Variants in PCNX1 observed in about 807,000 individuals in gnomAD.
The protein encoded by PCNX1 is pecanex 1, also known as pecanex-like protein 1.
PCNX1 carries 78 observed loss-of-function variants against 242.2 expected under a neutral mutation model. That is an observed-to-expected ratio of 0.32 (90% CI 0.27 to 0.39). PCNX1 has a LOEUF of 0.39. PCNX1 is among the 10% of genes least tolerant of loss of function. The pLI, the probability that PCNX1 is intolerant of heterozygous loss-of-function variation, is 1.00. For synonymous variants in PCNX1, 1,024 were observed against 1,032.9 expected, an observed-to-expected ratio of 0.99 and a Z score of 0.17; for missense variants, 2,581 against 2,856.5, an observed-to-expected ratio of 0.90 and a Z score of 2.20.
intron 3 of PCNX1, among the ~76,000 whole-genome samples, chr14:70,965,199 C>T (rs79307966): frequency 6.6e-6 from 1 of 152,268 alleles, no homozygotes; most frequent in African/African-American, 2.4e-5. Flanking sequence ...TCATTCCTCT[C>T]CTTACCTCCT....
At chr14:71,006,143 GTGT>G (rs2059658714) in intron 8 of PCNX1, among the ~76,000 whole-genome samples, 1 of 134,590 alleles carries the variant, frequency 7.4e-6, no homozygotes, top group Non-Finnish European at 1.6e-5. Flanking sequence ...GTGTGTGTGT[GTGT>G]GTGTGTGTGT....
intron 2 of PCNX1, among the ~76,000 whole-genome samples, chr14:70,959,427 T>G (rs1251983145): frequency 7.4e-6 from 1 of 135,958 alleles, no homozygotes; most frequent in African/African-American, 2.8e-5. Flanking sequence ...CTCTTTCCTG[T>G]GTCCATGTGT....
chr14:70,913,482 G>A (rs1017190629), intron 1 of PCNX1, among the ~76,000 whole-genome samples: 8 of 152,092 alleles, frequency 5.3e-5, no homozygotes, highest in African/African-American at 1.9e-4. Flanking sequence ...ACAGCTGTGT[G>A]GTTATACATA....
intron 2 of PCNX1, among the ~76,000 whole-genome samples, chr14:70,952,743 G>T (rs2057837158): frequency 6.6e-6 from 1 of 151,988 alleles, no homozygotes; most frequent in Non-Finnish European, 1.5e-5. Context: ...TATTTCTAGT[G>T]TTTTTTGTCT....
Position 71,110,101 on chromosome 14 carries a change from G to C in PCNX1, c.*166G>C. ...GCACCTCTCCTTTGCCCTTCACCCT[G>C]ACTCCTGTCACTGTCTCCATCCCCA... On this transcript the variant is annotated 3_prime_UTR_variant, in exon 36 of 36. Coordinates refer to ENST00000304743, the MANE Select transcript of PCNX1 (RefSeq NM_014982.3). The C allele has an allele frequency of 1.4e-6, 1 of 707,462 alleles. No individual in the cohort carries two copies. 43.8% of individuals were successfully genotyped at this position (707,462 alleles called of 1,614,324 possible). A position where few individuals can be genotyped will look rare whatever the true frequency, so the allele number is the denominator to read the frequency against.
chr14:71,009,851 T>C (rs1453105826), intron 9 of PCNX1, 127 bp downstream of exon 9: 5 of 465,340 alleles, frequency 1.1e-5, no homozygotes, highest in Non-Finnish European at 1.5e-5. Context: ...AATTGACAAA[T>C]AAAAATCATA....
intron 8 of PCNX1, among the ~76,000 whole-genome samples, chr14:71,002,127 A>G (rs761783152): frequency 2.0e-5 from 3 of 152,250 alleles, no homozygotes; most frequent in East Asian, 1.9e-4. Context: ...TCAGAGGAAC[A>G]CAGAAAATAC....
intron 27 of PCNX1, among the ~76,000 whole-genome samples, chr14:71,075,246 C>T (rs148039090): frequency 6.6e-6 from 1 of 152,106 alleles, no homozygotes; most frequent in Non-Finnish European, 1.5e-5. Context: ...CCACACTGGC[C>T]TCCCAAAGTG....
intron 6 of PCNX1, among the ~76,000 whole-genome samples, chr14:70,985,494 G>T (rs1052832250): frequency 6.6e-6 from 1 of 152,178 alleles, no homozygotes; most frequent in African/African-American, 2.4e-5. Context: ...GATTACAGGC[G>T]TGAGCCACTG....
At chr14:70,909,883 GGAT>G (rs893760613) in intron 1 of PCNX1, among the ~76,000 whole-genome samples, 3 of 152,156 alleles carry the variant, frequency 2.0e-5, no homozygotes, top group African/African-American at 7.2e-5. Context: ...TACCTGAAAT[GGAT>G]AATAAGATGG....
chr14:71,020,877 G>T (rs960341278), intron 12 of PCNX1, among the ~76,000 whole-genome samples: 21 of 152,018 alleles, frequency 1.4e-4, no homozygotes, highest in African/African-American at 5.1e-4. Context: ...TTTCTTCTAG[G>T]GTTTTTATGG....
intron 19 of PCNX1, among the ~76,000 whole-genome samples, chr14:71,044,076 T>C (rs752516439): frequency 5.3e-5 from 8 of 152,188 alleles, no homozygotes; most frequent in Non-Finnish European, 1.2e-4. Flanking sequence ...CTCCGTATGA[T>C]TTCTTTGACT....
At chr14:71,089,121 G>A (rs372636448) in intron 29 of PCNX1, 71 bp from the exon 30 acceptor site, 50 of 1,129,886 alleles carry the variant, frequency 4.4e-5, no homozygotes, top group East Asian at 2.4e-4. Context: ...TGATGCACAC[G>A]CAGATGTAAG....
At position 71,004,892 on chromosome 14, in the gene PCNX1, A is replaced by G. The variant is rs372670699; in HGVS notation, c.2630-4742A>G. Among the ~76,000 whole-genome samples the G allele has an allele frequency of 3.6e-3, 548 of 152,260 alleles. 1 individual carries two copies. Among genetic ancestry groups the G allele is most frequent in the African/African-American group, 0.013 (531 of 41,540 alleles). On this transcript the variant is annotated intron_variant, in intron 8 of 35. Transcript: ENST00000304743. ...CATATAGAATGTATATGTTCCCCCA[A>G]ATGTCTTTTAAAAACTCACTTTATA...
rs762289630 is a variant in PCNX1 at position 70,988,667 on chromosome 14, C to G, written c.2412C>G (p.Thr804=). ...GGCACAATGCAGGGAGTAACCCTACCCCTCCTACATTGCTCATCGGATCAC... is the reference window on the plus strand; with the variant it reads ...GGCACAATGCAGGGAGTAACCCTACGCCTCCTACATTGCTCATCGGATCAC... ...RRRHNAGSNP[T]PPTLLIGSPL... The change falls in exon 7 of 36, where the codon ACC becomes ACG. Residue 804 remains threonine, a synonymous_variant. Coordinates refer to ENST00000304743, the MANE Select transcript of PCNX1 (RefSeq NM_014982.3). 1 of 1,613,944 alleles carries G rather than the reference C, an allele frequency of 6.2e-7. No homozygotes were observed. Among genetic ancestry groups the G allele is most frequent in the East Asian group, 2.2e-5 (1 of 44,878 alleles).
chr14:71,110,894 T>A lies in PCNX1; in HGVS notation c.*959T>A, dbSNP rs45517434. ...AAAACAATTTTCTTTAAGAAGAAGA[T>A]GAATGTCCAGGAATTTAAAGAAAGG... is the stretch of plus-strand genomic sequence containing the variant. On this transcript the variant is annotated 3_prime_UTR_variant, in exon 36 of 36. Transcript: ENST00000304743. 2,192 of 152,772 alleles carry A rather than the reference T, an allele frequency of 0.014. 23 individuals carry two copies. Among genetic ancestry groups the A allele is most frequent in the Middle Eastern group, 0.034 (10 of 294 alleles). The allele number at this position is 152,772 out of a possible 1,614,324, so 9.5% of individuals were successfully genotyped here.
intron 2 of PCNX1, among the ~76,000 whole-genome samples, chr14:70,955,090 G>C (rs1000219816): frequency 1.3e-5 from 2 of 152,260 alleles, no homozygotes; most frequent in South Asian, 4.1e-4. Context: ...CTTTTATGTG[G>C]TACAGCAGGT....
At chr14:70,960,671 T>C (rs1222289418) in intron 2 of PCNX1, among the ~76,000 whole-genome samples, 6 of 151,920 alleles carry the variant, frequency 3.9e-5, no homozygotes, top group Non-Finnish European at 5.9e-5. Context: ...CCAGGGCAAT[T>C]AGGCAGGAGA....
chr14:71,074,990 C>CTTTTTT (rs900279128), intron 27 of PCNX1, among the ~76,000 whole-genome samples: 11 of 101,104 alleles, frequency 1.1e-4, no homozygotes, highest in Non-Finnish European at 1.6e-4. Context: ...CTTTTCTTCT[C>CTTTTTT]TTTTTTTTTT....
Sources: allele counts gnomAD v4.1 joint callset (sites outside exome capture counted in the v4.1 genomes callset), GRCh38; gene constraint gnomAD v4.1.1; transcripts MANE v1.5; gene names NCBI Gene and HGNC (gene_info 2026-07-23, HGNC 2026-07-21).